The following HS6ST2 variants were observed in gnomAD, a reference collection of about 807,000 sequenced individuals.
HS6ST2 encodes heparan-sulfate 6-O-sulfotransferase 2.
In HS6ST2, 17 loss-of-function variants were observed where a neutral mutation model predicts 33.0. The ratio of observed to expected loss-of-function variants is 0.52; its 90% CI spans 0.35 to 0.77. The LOEUF is 0.77. HS6ST2 is among the 30% of genes least tolerant of loss of function. HS6ST2 has a pLI of 0.01. For missense variants in HS6ST2, 519 were observed against 551.7 expected (o/e 0.94, Z 0.59); for synonymous variants, 248 against 237.1 (o/e 1.05, Z -0.42).
intron 4 of HS6ST2, among the ~76,000 whole-genome samples, chrX:132,642,361 T>A (rs1244055592): frequency 9.0e-6 from 1 of 111,074 alleles, no homozygotes; most frequent in Non-Finnish European, 1.9e-5. Flanking sequence ...AGGCTTCCCT[T>A]CTTGAGCCCT....
At position 132,765,672 on chromosome X, in the gene HS6ST2, A is replaced by C. The variant is rs1198549435; in HGVS notation, c.948-57178T>G. Among the ~76,000 whole-genome samples the C allele has an allele frequency of 7.2e-5, 8 of 111,027 alleles. No individual in the cohort carries two copies. The South Asian group carries it at 1.2e-3, about 16-fold the overall frequency. ...CATATTGTTGCCCAGGCTGGTCTTCAACTCCTGGGCTCAAGCAATCCTCCC... is the reference window on the plus strand; with the variant it reads ...CATATTGTTGCCCAGGCTGGTCTTCCACTCCTGGGCTCAAGCAATCCTCCC... On this transcript the variant is annotated intron_variant, in intron 2 of 4. Coordinates refer to ENST00000370833, the MANE Select transcript of HS6ST2 (RefSeq NM_001394073.1).
intron 2 of HS6ST2, among the ~76,000 whole-genome samples, chrX:132,863,347 T>A (rs1377136017): frequency 9.0e-6 from 1 of 111,319 alleles, no homozygotes; most frequent in Non-Finnish European, 1.9e-5. Flanking sequence ...AGAGACAGAG[T>A]CTCACGCTGT....
intron 4 of HS6ST2, among the ~76,000 whole-genome samples, chrX:132,634,911 G>A (rs2063542465): frequency 9.0e-6 from 1 of 111,323 alleles, no homozygotes. Flanking sequence ...ATGCTTAATC[G>A]AGACTCATTC....
chrX:132,852,585 T>C (rs1395311376), intron 2 of HS6ST2, among the ~76,000 whole-genome samples: 1 of 112,095 alleles, frequency 8.9e-6, no homozygotes, highest in African/African-American at 3.2e-5. Flanking sequence ...TATCCACCCA[T>C]AGAAATTCAT....
intron 2 of HS6ST2, among the ~76,000 whole-genome samples, chrX:132,904,507 CCTT>C (rs2066452981): frequency 0.014 from 1 of 70 alleles, no homozygotes; most frequent in Non-Finnish European, 0.024. Flanking sequence ...TTCCTTCTTT[CCTT>C]TTTTATTTTC....
Position 132,957,013 on chromosome X carries a change from G to C in HS6ST2, c.742C>G (p.Arg248Gly). ...CACGGCTGCTCCAGCTGGATGTTAC[G>C]CACCAAGTGGCGGCCGAAAGTGGTG... Reference protein sequence around the residue: ...GGTTFGRHLVRNIQLEQPCEC... With the variant: ...GGTTFGRHLVGNIQLEQPCEC... The change falls in exon 2 of 5, where the codon CGT becomes GGT. Residue 248 changes from arginine (R) to glycine (G), a missense_variant. Physicochemically the swap from Arg to Gly is moderately radical, Grantham distance 125. Coordinates refer to ENST00000370833, the MANE Select transcript of HS6ST2 (RefSeq NM_001394073.1). 8.3e-7 allele frequency: 1 copy of C among 1,211,696 alleles called. No individual in the cohort carries two copies. Among genetic ancestry groups the C allele is most frequent in the Non-Finnish European group, 1.1e-6 (1 of 895,312 alleles).
At chrX:132,697,109 C>T (rs756182190) in intron 3 of HS6ST2, among the ~76,000 whole-genome samples, 2 of 112,276 alleles carry the variant, frequency 1.8e-5, no homozygotes, top group Non-Finnish European at 3.8e-5. Context: ...AAAATACTCT[C>T]TAGGGGATTT....
intron 2 of HS6ST2, among the ~76,000 whole-genome samples, chrX:132,743,614 A>T (rs777486289): frequency 9.0e-6 from 1 of 111,461 alleles, no homozygotes; most frequent in African/African-American, 3.3e-5. Context: ...CAGCTATGAG[A>T]GAGGGCGAGG....
chrX:132,676,048 T>C (rs1401410139), intron 3 of HS6ST2, among the ~76,000 whole-genome samples: 1 of 111,779 alleles, frequency 8.9e-6, no homozygotes. Context: ...GCCATCACCT[T>C]TCCCATACTG....
chrX:132,708,842 C>T (rs1334473095), intron 2 of HS6ST2, among the ~76,000 whole-genome samples: 1 of 111,937 alleles, frequency 8.9e-6, no homozygotes, highest in Admixed American at 9.5e-5. Flanking sequence ...TAAAACAAAA[C>T]CCAAACCAAA....
chrX:132,651,044 G>A (rs898688718), intron 4 of HS6ST2, among the ~76,000 whole-genome samples: 9 of 111,481 alleles, frequency 8.1e-5, no homozygotes, highest in Non-Finnish European at 1.3e-4. Flanking sequence ...TTGGAGTTCA[G>A]GCGTGAGCCA....
chrX:132,831,423 A>G (rs2065589028), intron 2 of HS6ST2, among the ~76,000 whole-genome samples: 1 of 111,323 alleles, frequency 9.0e-6, no homozygotes, highest in Admixed American at 9.6e-5. Context: ...TGAGAGCCTA[A>G]GAGGATATTC....
At chrX:132,898,553 C>T (rs2066399139) in intron 2 of HS6ST2, among the ~76,000 whole-genome samples, 1 of 109,007 alleles carries the variant, frequency 9.2e-6, no homozygotes. Flanking sequence ...AACTAAAAAA[C>T]TGGACAAAAT....
intron 2 of HS6ST2, among the ~76,000 whole-genome samples, chrX:132,806,269 C>A (rs777760081): frequency 1.8e-5 from 2 of 110,435 alleles, no homozygotes; most frequent in Non-Finnish European, 3.8e-5. Context: ...CTTTCTGATC[C>A]CTCGAAGGCA....
At chrX:132,820,866 C>T (rs1488987016) in intron 2 of HS6ST2, among the ~76,000 whole-genome samples, 1 of 110,496 alleles carries the variant, frequency 9.1e-6, no homozygotes, top group Non-Finnish European at 1.9e-5. Flanking sequence ...AGGATATTTA[C>T]TCTAACTCCA....
At chrX:132,861,135 A>C (rs1323322442) in intron 2 of HS6ST2, among the ~76,000 whole-genome samples, 3 of 111,454 alleles carry the variant, frequency 2.7e-5, no homozygotes, top group Non-Finnish European at 5.6e-5. Context: ...GACAAGATAC[A>C]AATGTGTATC....
At chrX:132,788,712 TGAA>T (rs1337717564) in intron 2 of HS6ST2, among the ~76,000 whole-genome samples, 1 of 112,683 alleles carries the variant, frequency 8.9e-6, no homozygotes, top group Non-Finnish European at 1.9e-5. Context: ...GAAGAGTTCT[TGAA>T]GGAAATTAAA....
intron 2 of HS6ST2, among the ~76,000 whole-genome samples, chrX:132,844,939 CAT>C (rs1197993408): frequency 1.6e-4 from 18 of 109,213 alleles, no homozygotes; most frequent in African/African-American, 6.0e-4. Flanking sequence ...CAACTTTATT[CAT>C]CACTGGAAAA....
chrX:132,716,871 A>T (rs764705335), intron 2 of HS6ST2, among the ~76,000 whole-genome samples: 1 of 112,118 alleles, frequency 8.9e-6, no homozygotes, highest in African/African-American at 3.2e-5. Context: ...CACTGTTTCA[A>T]ATCAGAAGGA....
Sources: gnomAD v4.1 joint callset for allele counts (sites outside exome capture counted in the v4.1 genomes callset) on GRCh38, gnomAD v4.1.1 for gene constraint, MANE v1.5 for transcripts, NCBI Gene and HGNC (gene_info 2026-07-23, HGNC 2026-07-21) for gene names.